Variants in PCGF3 observed in about 807,000 individuals in gnomAD.
PCGF3 encodes the protein polycomb group ring finger 3.
A neutral mutation model predicts 33.1 loss-of-function variants in PCGF3; 7 were observed. The ratio of observed to expected loss-of-function variants is 0.21; its 90% CI spans 0.12 to 0.40. The LOEUF (loss-of-function observed/expected upper bound fraction) is 0.40, where lower values mean the gene tolerates loss of function less well. Among genes scored for constraint, PCGF3 ranks in the 10% least tolerant of loss-of-function variants. PCGF3 has a pLI of 1.00. For missense variants in PCGF3, 211 were observed against 313.3 expected, an observed-to-expected ratio of 0.67 and a Z score of 2.46; for synonymous variants, 153 against 121.3, an observed-to-expected ratio of 1.26 and a Z score of -1.72.
intron 6 of PCGF3, among the ~76,000 whole-genome samples, chr4:740,491 C>G (rs1316086225): frequency 6.6e-6 from 1 of 152,046 alleles, no homozygotes; most frequent in African/African-American, 2.4e-5. Flanking sequence ...GTGTCATGGT[C>G]TTTGGTGTGC....
intron 1 of PCGF3, among the ~76,000 whole-genome samples, chr4:708,639 C>T (rs917958335): frequency 7.9e-5 from 12 of 152,214 alleles, no homozygotes; most frequent in South Asian, 4.1e-4. Flanking sequence ...GCCCCTCGTC[C>T]GGGGCTGCTG....
At chr4:716,997 T>G (rs1742882361) in intron 1 of PCGF3, among the ~76,000 whole-genome samples, 1 of 137,250 alleles carries the variant, frequency 7.3e-6, no homozygotes, top group Non-Finnish European at 1.5e-5. Context: ...ACACTGAGGG[T>G]GAGAACTGGG....
chr4:718,607 C>T (rs1242965019), intron 1 of PCGF3, among the ~76,000 whole-genome samples: 1 of 152,256 alleles, frequency 6.6e-6, no homozygotes, highest in Non-Finnish European at 1.5e-5. Flanking sequence ...GTGTGTGGCC[C>T]CCACAGTGCC....
At chr4:765,909 G>A (rs1234212096) in intron 10 of PCGF3, 123 bp from the exon 11 acceptor site, 16 of 834,188 alleles carry the variant, frequency 1.9e-5, no homozygotes, top group Admixed American at 9.1e-5. Flanking sequence ...AAGGGTCTCT[G>A]TGCAGCCCTG....
chr4:737,466 T>G, exon 6 of PCGF3: 1 of 1,603,754 alleles, frequency 6.2e-7, no homozygotes, highest in Non-Finnish European at 8.5e-7. Context: ...CTTTTGCCAG[T>G]CATGACAGAA....
intron 10 of PCGF3, 132 bp from the exon 11 acceptor site, chr4:765,890 TCAGAACAGAA>T: frequency 1.4e-6 from 1 of 711,580 alleles, no homozygotes; most frequent in East Asian, 2.6e-5. Context: ...CTTCTGTTGC[TCAGAACAGAA>T]GGGTCTCTGT....
chr4:769,010 G>GT (rs1286963609), exon 11 of PCGF3: 24 of 152,662 alleles, frequency 1.6e-4, no homozygotes, highest in Non-Finnish European at 2.8e-4. Flanking sequence ...CAGCTGTTTG[G>GT]TTTTTCGTTT....
chr4:754,783 GC>G (rs1744695038), intron 8 of PCGF3, among the ~76,000 whole-genome samples: 1 of 152,232 alleles, frequency 6.6e-6, no homozygotes, highest in Non-Finnish European at 1.5e-5. Flanking sequence ...TAGCGCAGCT[GC>G]TCTGCAGTGA....
chr4:754,056 G>A (rs1577435591), intron 8 of PCGF3, among the ~76,000 whole-genome samples: 1 of 152,178 alleles, frequency 6.6e-6, no homozygotes, highest in African/African-American at 2.4e-5. Flanking sequence ...CAGACCCAGT[G>A]GGACTGCAGG....
At chr4:728,529 T>C (rs1164863110) in intron 1 of PCGF3, among the ~76,000 whole-genome samples, 2 of 152,254 alleles carry the variant, frequency 1.3e-5, no homozygotes, top group Admixed American at 6.5e-5. Flanking sequence ...CACCACTTCA[T>C]GTCCGGGACT....
chr4:708,136 C>T (rs1023925792), intron 1 of PCGF3, among the ~76,000 whole-genome samples: 1 of 151,968 alleles, frequency 6.6e-6, no homozygotes, highest in South Asian at 2.1e-4. Flanking sequence ...CAGGGCCCGG[C>T]ACCCTGAGAC....
intron 3 of PCGF3, 164 bp downstream of exon 3, chr4:731,274 A>G: frequency 2.5e-6 from 1 of 398,322 alleles, no homozygotes; most frequent in East Asian, 3.6e-5. Context: ...GTGAGAGTCC[A>G]AGGTCCAGCC....
chr4:716,043 C>G (rs1192521698), intron 1 of PCGF3, among the ~76,000 whole-genome samples: 6 of 122,292 alleles, frequency 4.9e-5, no homozygotes, highest in South Asian at 2.8e-4. Flanking sequence ...AACTGGGCGT[C>G]GGTGCTGGAA....
chr4:733,211 C>T (rs776144835), intron 3 of PCGF3, among the ~76,000 whole-genome samples: 3 of 152,168 alleles, frequency 2.0e-5, no homozygotes, highest in Non-Finnish European at 2.9e-5. Flanking sequence ...AGCCCAGACT[C>T]TAAACTGGGC....
chr4:734,393 C>CT, intron 4 of PCGF3: 1 of 1,389,426 alleles, frequency 7.2e-7, no homozygotes. Context: ...TAAACAGGAT[C>CT]TTTAAAATGA....
chr4:755,932 T>TTTTTTG (rs1560215735), intron 8 of PCGF3, among the ~76,000 whole-genome samples: 8 of 112,582 alleles, frequency 7.1e-5, no homozygotes, highest in African/African-American at 3.6e-4. Context: ...TTTTTTTTTT[T>TTTTTTG]GGAGATGGAG....
At position 749,412 on chromosome 4, in the gene PCGF3, C is replaced by T. The variant is rs998591436; in HGVS notation, c.462+4724C>T. On this transcript the variant is annotated intron_variant, in intron 8 of 10. Coordinates refer to ENST00000362003, the Ensembl canonical transcript of PCGF3. ...CTCTTGACCTCGGGTGATCCACCCA[C>T]CTCAGCCTCCCAAAGTTCTAGAATT... Among the ~76,000 whole-genome samples, 4 of 151,236 alleles carry T rather than the reference C, an allele frequency of 2.6e-5. No individual in the cohort carries two copies. The East Asian group carries it at 5.8e-4, about 22-fold the overall frequency.
At chr4:717,980 C>A (rs1300680381) in intron 1 of PCGF3, among the ~76,000 whole-genome samples, 2 of 152,158 alleles carry the variant, frequency 1.3e-5, no homozygotes, top group Admixed American at 1.3e-4. Flanking sequence ...TCAGTGGGGC[C>A]TGGTGTGGCA....
chr4:734,968 C>T, exon 5 of PCGF3: 1 of 1,613,766 alleles, frequency 6.2e-7, no homozygotes, highest in African/African-American at 1.3e-5. Flanking sequence ...TGGAGGAGAA[C>T]AACACCTGCC....
Sources: allele counts gnomAD v4.1 joint callset (sites outside exome capture counted in the v4.1 genomes callset), GRCh38; gene constraint gnomAD v4.1.1; transcripts MANE v1.5; gene names NCBI Gene and HGNC (gene_info 2026-07-23, HGNC 2026-07-21).